CEP192: variants seen among roughly 807,000 people sequenced by gnomAD.
CEP192 encodes the protein centrosomal protein of 192 kDa.
A neutral mutation model predicts 271.8 loss-of-function variants in CEP192; 151 were observed. That is an observed-to-expected ratio of 0.56 (90% CI 0.49 to 0.64). The LOEUF (loss-of-function observed/expected upper bound fraction) is 0.64. CEP192 is among the 30% of genes least tolerant of loss of function. CEP192 has a pLI of 0.00. For missense variants in CEP192, 2,910 were observed against 3,020.5 expected, an observed-to-expected ratio of 0.96 and a Z score of 0.86; for synonymous variants, 995 against 1,076.5, an observed-to-expected ratio of 0.92 and a Z score of 1.48.
At chr18:13,051,227 T>C (rs1290999390) in intron 17 of CEP192, among the ~76,000 whole-genome samples, 2 of 152,218 alleles carry the variant, frequency 1.3e-5, no homozygotes, top group African/African-American at 4.8e-5. Flanking sequence ...CCTGTGTTCT[T>C]GCAGTTCAGT....
rs78778016 is a variant in CEP192 at position 13,038,014 on chromosome 18, A to C, written c.1600-356A>C. 7.6e-3 allele frequency among the ~76,000 whole-genome samples: 1,157 copies of C among 151,850 alleles called. 12 individuals are homozygous for C. Among genetic ancestry groups the C allele is most frequent in the African/African-American group, 0.026 (1,069 of 41,394 alleles). On this transcript the variant is annotated intron_variant, in intron 12 of 44. Coordinates refer to ENST00000506447, the MANE Select transcript of CEP192 (RefSeq NM_032142.4). ...AATAGATGAAGATAACATTCTTCTT[A>C]TTATTTTTCAGATGGGGTCTCGCCA...
chr18:13,001,688 T>C, intron 3 of CEP192, 106 bp downstream of exon 3: 7 of 1,145,452 alleles, frequency 6.1e-6, no homozygotes, highest in Non-Finnish European at 7.1e-6. Flanking sequence ...TGATTAATTC[T>C]AAGAATCTTG....
At chr18:13,121,583 T>A (rs960523054) in intron 44 of CEP192, among the ~76,000 whole-genome samples, 2 of 152,286 alleles carry the variant, frequency 1.3e-5, no homozygotes, top group African/African-American at 4.8e-5. Context: ...ACAGGTTTTC[T>A]TGTAAAGGTT....
chr18:12,998,915 C>G (rs1332765018), intron 1 of CEP192, among the ~76,000 whole-genome samples: 2 of 152,142 alleles, frequency 1.3e-5, no homozygotes, highest in African/African-American at 4.8e-5. Context: ...GCCAACTATA[C>G]TTTAACTGAA....
chr18:13,076,722 G>C (rs940448489), intron 30 of CEP192, among the ~76,000 whole-genome samples: 4 of 152,146 alleles, frequency 2.6e-5, no homozygotes, highest in African/African-American at 9.7e-5. Flanking sequence ...ACTACCAGAG[G>C]TCACTTTGAG....
At chr18:13,068,534 AT>A (rs1318173104) in intron 24 of CEP192, 112 bp downstream of exon 24, 29 of 981,922 alleles carry the variant, frequency 3.0e-5, no homozygotes, top group Non-Finnish European at 4.0e-5. Flanking sequence ...TCTGTCAACT[AT>A]TTTATGTTTT....
intron 42 of CEP192, among the ~76,000 whole-genome samples, chr18:13,114,912 C>T (rs926134352): frequency 6.6e-6 from 1 of 152,102 alleles, no homozygotes; most frequent in Non-Finnish European, 1.5e-5. Context: ...AAACTTATAC[C>T]AGCCGCATAT....
chr18:13,111,404 C>T (rs1037799214), intron 40 of CEP192, among the ~76,000 whole-genome samples: 15 of 152,180 alleles, frequency 9.9e-5, no homozygotes, highest in Non-Finnish European at 2.1e-4. Context: ...GGATTGCAGG[C>T]GTGAGCCACC....
chr18:13,068,324 T>G (rs75188168), intron 23 of CEP192, 35 bp from the exon 24 acceptor site: 130,978 of 1,603,714 alleles, frequency 0.082, 5,924 homozygotes, highest in Non-Finnish European at 0.092. Context: ...TAATACCAGT[T>G]TACATTAAGA....
chr18:13,019,913 A>G (rs1033722487), intron 9 of CEP192, among the ~76,000 whole-genome samples: 2 of 151,902 alleles, frequency 1.3e-5, no homozygotes, highest in African/African-American at 4.8e-5. Context: ...CCCAGGTTCA[A>G]GCAATTCTCC....
intron 21 of CEP192, among the ~76,000 whole-genome samples, chr18:13,065,323 C>G (rs910116207): frequency 6.6e-6 from 1 of 152,046 alleles, no homozygotes; most frequent in Non-Finnish European, 1.5e-5. Context: ...GTTCTCCAGC[C>G]AAACCAACTT....
Position 13,056,065 on chromosome 18 carries a change from C to T in CEP192, c.3475C>T (p.Pro1159Ser). Residue 1159 changes from proline to serine, a missense_variant, in exon 19 of 45, where the codon CCT becomes TCT. Pro to Ser is a moderately conservative substitution (Grantham distance 74). Transcript: ENST00000506447. ...CAGTGAGGTAGGTTGGACATCAAAC[C>T]CTGAGGAATTGGACCCGATCAGGCT... ...ETSEVGWTSN[P>S]EELDPIRLAL... The T allele has an allele frequency of 6.2e-7, 1 of 1,614,062 alleles. No homozygotes were observed. Among genetic ancestry groups the T allele is most frequent in the Non-Finnish European group, 8.5e-7 (1 of 1,179,994 alleles).
chr18:13,047,079 T>C (rs2143933771), intron 15 of CEP192, among the ~76,000 whole-genome samples: 1 of 152,324 alleles, frequency 6.6e-6, no homozygotes, highest in Non-Finnish European at 1.5e-5. Flanking sequence ...AGCTTTTGTT[T>C]TACCCTACAG....
chr18:13,052,391 T>C (rs1409517014), intron 17 of CEP192, among the ~76,000 whole-genome samples: 1 of 152,238 alleles, frequency 6.6e-6, no homozygotes, highest in African/African-American at 2.4e-5. Context: ...TGTGGACATG[T>C]CCTTTTTGTG....
chr18:13,056,715 C>T lies in CEP192; in HGVS notation c.4108+17C>T, dbSNP rs375904973. The T allele has an allele frequency of 6.5e-6, 10 of 1,536,768 alleles. No individual in the cohort carries two copies. The highest frequency in any genetic ancestry group is 2.3e-5 in the East Asian group (1 of 44,420). On this transcript the variant is annotated intron_variant, in intron 19 of 44. Coordinates refer to ENST00000506447, the MANE Select transcript of CEP192 (RefSeq NM_032142.4). ...CAGGATTGGGTAAGATGCTTTTTCT[C>T]TATTATTATTACTTGCTATTATTTT...
chr18:13,007,342 G>C (rs2034046235), intron 3 of CEP192, among the ~76,000 whole-genome samples: 1 of 152,176 alleles, frequency 6.6e-6, no homozygotes, highest in African/African-American at 2.4e-5. Context: ...ATATGGGATA[G>C]CTGTCGTTTT....
intron 2 of CEP192, 57 bp from the exon 3 acceptor site, chr18:13,001,400 A>G (rs2033634460): frequency 7.9e-7 from 1 of 1,263,648 alleles, no homozygotes; most frequent in Non-Finnish European, 1.1e-6. Flanking sequence ...TGTCATGATG[A>G]CATTTAAATA....
At chr18:13,036,213 A>G (rs935029708) in intron 11 of CEP192, among the ~76,000 whole-genome samples, 2 of 152,138 alleles carry the variant, frequency 1.3e-5, no homozygotes, top group African/African-American at 4.8e-5. Flanking sequence ...GTAAAGAACT[A>G]GCACTGTTCT....
intron 40 of CEP192, among the ~76,000 whole-genome samples, chr18:13,110,414 A>G (rs1385662507): frequency 6.6e-6 from 1 of 150,946 alleles, no homozygotes; most frequent in Non-Finnish European, 1.5e-5. Flanking sequence ...ATAAACCCTA[A>G]TATTTATAAT....
Sources: gnomAD v4.1 joint callset for allele counts (sites outside exome capture counted in the v4.1 genomes callset) on GRCh38, gnomAD v4.1.1 for gene constraint, MANE v1.5 for transcripts, NCBI Gene and HGNC (gene_info 2026-07-23, HGNC 2026-07-21) for gene names.